RAB40B: variants seen among roughly 807,000 people sequenced by gnomAD.
The protein encoded by RAB40B is RAB40B, member RAS oncogene family.
A neutral mutation model predicts 24.0 loss-of-function variants in RAB40B; 21 were observed. That is an observed-to-expected ratio of 0.88 (90% CI 0.62 to 1.26). The LOEUF is 1.26. Among genes scored for constraint, RAB40B ranks in the 50% most tolerant of loss-of-function variants. The pLI is 0.00. For synonymous variants in RAB40B, 167 were observed against 169.8 expected (o/e 0.98, Z 0.13); for missense variants, 348 against 390.5 (o/e 0.89, Z 0.92).
intron 2 of RAB40B, chr17:82,661,948 G>C: frequency 1.0e-6 from 1 of 985,186 alleles, no homozygotes; most frequent in Non-Finnish European, 1.2e-6. Flanking sequence ...GCTCCCCAGG[G>C]ATCAGTTCCC....
At chr17:82,658,431 G>T in intron 5 of RAB40B, 60 bp downstream of exon 5, 1 of 1,570,560 alleles carries the variant, frequency 6.4e-7, no homozygotes, top group East Asian at 2.2e-5. Flanking sequence ...CCAGGGGGCC[G>T]CTGACCCACC....
chr17:82,666,538 C>T (rs2046259673), intron 1 of RAB40B, among the ~76,000 whole-genome samples: 1 of 152,160 alleles, frequency 6.6e-6, no homozygotes, highest in Non-Finnish European at 1.5e-5. Flanking sequence ...AGCTGCTGCT[C>T]CCGGCCAATA....
intron 1 of RAB40B, among the ~76,000 whole-genome samples, chr17:82,671,318 C>T (rs1225192903): frequency 2.0e-5 from 3 of 151,052 alleles, no homozygotes; most frequent in Admixed American, 2.0e-4. Flanking sequence ...AACTCTAACA[C>T]ACTCACACGC....
chr17:82,672,269 AC>A lies in RAB40B; in HGVS notation c.143-7714del, dbSNP rs1240330960. 3.8e-4 allele frequency among the ~76,000 whole-genome samples: 38 copies of A among 99,086 alleles called. 1 individual carries two copies. The highest frequency in any genetic ancestry group is 5.9e-4 in the East Asian group (2 of 3,378). The allele number at this position is 99,086 out of a possible 152,430, so 65.0% of individuals were successfully genotyped here. On this transcript the variant is annotated intron_variant, in intron 1 of 5. Transcript: ENST00000571995. Reference sequence around the variant, plus strand: ...CTCCCTGTACTCACTGACACACCCCACCCCGTAACTCTAACACACAAACTCA... The same window carrying A: ...CTCCCTGTACTCACTGACACACCCCACCCGTAACTCTAACACACAAACTCA...
At chr17:82,677,357 A>G (rs536663022) in intron 1 of RAB40B, among the ~76,000 whole-genome samples, 1 of 152,346 alleles carries the variant, frequency 6.6e-6, no homozygotes, top group African/African-American at 2.4e-5. Flanking sequence ...AAAGCTCATT[A>G]CAATGAGATT....
Position 82,655,606 on chromosome 17 carries a change from C to T in RAB40B, c.*2257G>A, listed in dbSNP as rs1211816620. Reference sequence around the variant, plus strand: ...GTTTCTTCAACGTGGACTCTCCTTTCTGTGCATCTCAGTGTCCTTGTGTTT... The same window carrying T: ...GTTTCTTCAACGTGGACTCTCCTTTTTGTGCATCTCAGTGTCCTTGTGTTT... On this transcript the variant is annotated 3_prime_UTR_variant, in exon 6 of 6. Transcript: ENST00000571995. 1 of 152,294 alleles carries T rather than the reference C, an allele frequency of 6.6e-6. No homozygotes were observed. The highest frequency in any genetic ancestry group is 1.5e-5 in the Non-Finnish European group (1 of 68,068). 9.4% of individuals were successfully genotyped at this position (152,294 alleles called of 1,614,324 possible).
At chr17:82,681,020 C>CAAAAAAAAAA (rs201799464) in intron 1 of RAB40B, among the ~76,000 whole-genome samples, 6 of 93,958 alleles carry the variant, frequency 6.4e-5, no homozygotes, top group East Asian at 3.5e-4. Flanking sequence ...GACTCCATCT[C>CAAAAAAAAAA]AAAAAAAAAA....
intron 1 of RAB40B, among the ~76,000 whole-genome samples, chr17:82,666,980 C>T (rs879468026): frequency 9.2e-5 from 14 of 152,198 alleles, no homozygotes; most frequent in South Asian, 6.2e-4. Context: ...AAGGGAAGCG[C>T]GCCGCTGAGA....
In RAB40B at chr17:82,697,277, C is replaced by T. The variant is rs1345211185; in HGVS notation, c.142+1178G>A. Among the ~76,000 whole-genome samples the T allele has an allele frequency of 1.3e-5, 2 of 152,154 alleles. No individual in the cohort carries two copies. Among genetic ancestry groups the T allele is most frequent in the African/African-American group, 2.4e-5 (1 of 41,438 alleles). ...CCGTGCCACACTCCCTTGGTGCTCA[C>T]GCCGCCTGCCTGGAGCTGCCCTTAG... On this transcript the variant is annotated intron_variant, in intron 1 of 5. Coordinates refer to ENST00000571995, the MANE Select transcript of RAB40B (RefSeq NM_006822.3). This position sits in a 1 kb window ranked among gnomAD's most constrained non-coding sequence, Gnocchi z 4.9.
intron 1 of RAB40B, chr17:82,696,400 C>G (rs1031043928): frequency 1.3e-5 from 2 of 152,974 alleles, no homozygotes; most frequent in African/African-American, 4.8e-5. Flanking sequence ...TTCAATCAAA[C>G]TCAACACTGT....
chr17:82,691,729 C>CAG (rs1252640672), intron 1 of RAB40B, among the ~76,000 whole-genome samples: 1 of 152,100 alleles, frequency 6.6e-6, no homozygotes, highest in Non-Finnish European at 1.5e-5. Flanking sequence ...ACTCAGCACT[C>CAG]AGAGAAGGGA....
Position 82,667,690 on chromosome 17 carries a change from A to G in RAB40B, c.143-3134T>C, listed in dbSNP as rs2046274704. Among the ~76,000 whole-genome samples, 1 of 152,154 alleles carries G rather than the reference A, an allele frequency of 6.6e-6. No individual in the cohort carries two copies. On this transcript the variant is annotated intron_variant, in intron 1 of 5. Transcript: ENST00000571995. The surrounding 1 kb of genome is among the most constrained non-coding windows in gnomAD (Gnocchi z 4.3). ...CGCCACCAGGTAGATTAGACCAAGC[A>G]ACACCAGAGCAAACTCCCCCCGTCA... is the stretch of plus-strand genomic sequence containing the variant.
At chr17:82,659,919 G>A (rs143263318) in intron 3 of RAB40B, among the ~76,000 whole-genome samples, 3 of 152,336 alleles carry the variant, frequency 2.0e-5, no homozygotes, top group African/African-American at 4.8e-5. Flanking sequence ...AGGATGCAGG[G>A]GCACCGCAGT....
intron 2 of RAB40B, 62 bp from the exon 3 acceptor site, chr17:82,661,109 G>A: frequency 6.3e-7 from 1 of 1,577,240 alleles, no homozygotes; most frequent in South Asian, 1.2e-5. Context: ...AACAGGTTCT[G>A]GAACTTCAGA....
Position 82,698,490 on chromosome 17 carries a change from T to C in RAB40B, c.107A>G (p.Asp36Gly). The C allele has an allele frequency of 6.7e-7, 1 of 1,500,118 alleles. No homozygotes were observed. Among genetic ancestry groups the C allele is most frequent in the Non-Finnish European group, 9.0e-7 (1 of 1,117,034 alleles). 92.9% of individuals were successfully genotyped at this position (1,500,118 alleles called of 1,614,324 possible). Residue 36 changes from aspartate to glycine, a missense_variant, in exon 1 of 6, where the codon GAT becomes GGT. Around this residue, in one of 3 missense-constraint regions of RAB40B, gnomAD observed 101 missense variants for 85.5 expected, o/e 1.18. Transcript: ENST00000571995. ...GCCGTACGGGGACTCGGCCGCGCCA[T>C]CCTGCAGGCTCGCCAGGATCTCGCC... ...GKGEILASLQ[D>G]GAAESPYGHP...
Position 82,696,591 on chromosome 17 carries a change from C to T in RAB40B, c.142+1864G>A, listed in dbSNP as rs371166576. The T allele has an allele frequency of 1.6e-4, 26 of 158,850 alleles. No individual in the cohort carries two copies. The East Asian group carries it at 5.0e-3, about 31-fold the overall frequency. The allele number at this position is 158,850 out of a possible 1,614,324, so 9.8% of individuals were successfully genotyped here. Reference sequence around the variant, plus strand: ...CCAGGCGCTCAATCTCCAGCCCTGTCCTCCAGGCGCTCAATCTCCAGCCCT... The same window carrying T: ...CCAGGCGCTCAATCTCCAGCCCTGTTCTCCAGGCGCTCAATCTCCAGCCCT... On this transcript the variant is annotated intron_variant, in intron 1 of 5. Transcript: ENST00000571995.
chr17:82,690,043 G>T (rs2046540037), intron 1 of RAB40B, among the ~76,000 whole-genome samples: 1 of 151,774 alleles, frequency 6.6e-6, no homozygotes, highest in Non-Finnish European at 1.5e-5. Flanking sequence ...GATAAAATAT[G>T]ATTTGACTTT....
At chr17:82,660,032 A>G (rs2046142534) in intron 3 of RAB40B, among the ~76,000 whole-genome samples, 1 of 152,246 alleles carries the variant, frequency 6.6e-6, no homozygotes, top group African/African-American at 2.4e-5. Flanking sequence ...ACTTGTGCAC[A>G]GATGCACGCA....
In RAB40B at chr17:82,676,422, A is replaced by C. The variant is rs797013955; in HGVS notation, c.143-11866T>G. Among the ~76,000 whole-genome samples, 463 of 124,410 alleles carry C rather than the reference A, an allele frequency of 3.7e-3. 2 individuals carry two copies. Among genetic ancestry groups the C allele is most frequent in the African/African-American group, 0.012 (387 of 32,084 alleles). The allele number at this position is 124,410 out of a possible 152,430, so 81.6% of individuals were successfully genotyped here. On this transcript the variant is annotated intron_variant, in intron 1 of 5. Transcript: ENST00000571995. Reference sequence around the variant, plus strand: ...CACCCACAGAGTGAGGGCACCCCTCACCTTCAACAGCCTCTCCCCCCCCAC... The same window carrying C: ...CACCCACAGAGTGAGGGCACCCCTCCCCTTCAACAGCCTCTCCCCCCCCAC...
Sources: allele counts gnomAD v4.1 joint callset (sites outside exome capture counted in the v4.1 genomes callset), GRCh38; gene constraint gnomAD v4.1.1; regional missense constraint gnomAD v4.1.1; non-coding constraint Gnocchi (gnomAD v3.1); transcripts MANE v1.5; gene names NCBI Gene and HGNC (gene_info 2026-07-23, HGNC 2026-07-21).